The following SPRR2G variants were observed in gnomAD, a reference collection of about 807,000 sequenced individuals.
SPRR2G encodes the protein small proline-rich protein 2G.
In SPRR2G, 1 loss-of-function variant was observed where a neutral mutation model predicts 0.7. The ratio of observed to expected loss-of-function variants is 1.49; its 90% CI spans 0.53 to 7.06. The LOEUF (loss-of-function observed/expected upper bound fraction) is 7.06. SPRR2G is among the 30% of genes most tolerant of loss of function. SPRR2G has a pLI of 0.14. For synonymous variants in SPRR2G, 38 were observed against 33.9 expected (o/e 1.12, Z -0.42); for missense variants, 96 against 88.5 (o/e 1.09, Z -0.34).
At chr1:153,198,666 C>T in the SPRR2G span, among the ~76,000 whole-genome samples, 3 of 152,050 alleles carry the variant, frequency 2.0e-5, no homozygotes, top group East Asian at 1.9e-4. Context: ...TTCACAGAGT[C>T]GGAGCGCATA....
chr1:153,197,748 C>T, the SPRR2G span, among the ~76,000 whole-genome samples: 1 of 151,978 alleles, frequency 6.6e-6, no homozygotes, highest in East Asian at 1.9e-4. Flanking sequence ...CAGAGCAGTC[C>T]ACATGGAAGG....
chr1:153,166,702 C>T, the SPRR2G span, among the ~76,000 whole-genome samples: 841 of 152,268 alleles, frequency 5.5e-3, 13 homozygotes, highest in Middle Eastern at 0.02. Flanking sequence ...TCATCACTCA[C>T]TCCCATATTA....
chr1:153,174,493 T>C, the SPRR2G span: 6,289 of 152,286 alleles, frequency 0.041, 376 homozygotes, highest in Admixed American at 0.15. Flanking sequence ...GGAACACATC[T>C]TTGCCTCCTC....
At chr1:153,181,838 G>A in the SPRR2G span, among the ~76,000 whole-genome samples, 2 of 151,794 alleles carry the variant, frequency 1.3e-5, no homozygotes, top group African/African-American at 4.8e-5. Context: ...GGACTCTTAG[G>A]TTGATTCCAT....
upstream of SPRR2G, among the ~76,000 whole-genome samples, chr1:153,151,197 C>T (rs756878506): frequency 3.9e-5 from 6 of 152,176 alleles, no homozygotes; most frequent in Non-Finnish European, 5.9e-5. Context: ...TCCAAAGTAT[C>T]CTGTATGTAA....
chr1:153,187,445 A>C, the SPRR2G span, among the ~76,000 whole-genome samples: 1 of 151,848 alleles, frequency 6.6e-6, no homozygotes, highest in Admixed American at 6.6e-5. Context: ...TTATTTCATT[A>C]AGTTGATCTT....
upstream of SPRR2G, among the ~76,000 whole-genome samples, chr1:153,155,290 A>G (rs761585423): frequency 3.3e-5 from 5 of 152,258 alleles, no homozygotes; most frequent in Non-Finnish European, 5.9e-5. Flanking sequence ...CATCTTTCCC[A>G]CAAACCACTT....
At chr1:153,157,199 T>C in the SPRR2G span, among the ~76,000 whole-genome samples, 1 of 152,238 alleles carries the variant, frequency 6.6e-6, no homozygotes, top group Non-Finnish European at 1.5e-5. Context: ...ACTTAAGGTA[T>C]AAGTTTCATA....
chr1:153,177,974 T>C, the SPRR2G span, among the ~76,000 whole-genome samples: 1 of 152,142 alleles, frequency 6.6e-6, no homozygotes, highest in Non-Finnish European at 1.5e-5. Context: ...TATGTGAACC[T>C]ATATCTCTTC....
At chr1:153,195,140 T>C in the SPRR2G span, among the ~76,000 whole-genome samples, 1 of 152,156 alleles carries the variant, frequency 6.6e-6, no homozygotes, top group Non-Finnish European at 1.5e-5. Flanking sequence ...TTCCTCTCCA[T>C]GCTAACAGGA....
At chr1:153,194,834 T>G in the SPRR2G span, among the ~76,000 whole-genome samples, 61 of 152,272 alleles carry the variant, frequency 4.0e-4, no homozygotes, top group Non-Finnish European at 7.5e-4. Flanking sequence ...AGTGCTGTGC[T>G]CCAATGGAGG....
At chr1:153,169,682 C>A in the SPRR2G span, among the ~76,000 whole-genome samples, 1 of 152,192 alleles carries the variant, frequency 6.6e-6, no homozygotes, top group Admixed American at 6.5e-5. Context: ...AAAACTTCAG[C>A]CTTCCATCAT....
chr1:153,196,651 C>T, the SPRR2G span, among the ~76,000 whole-genome samples: 26 of 152,280 alleles, frequency 1.7e-4, no homozygotes, highest in African/African-American at 6.0e-4. Flanking sequence ...TTGACAAGAA[C>T]TACTTCAAAT....
At chr1:153,159,840 C>T in the SPRR2G span, among the ~76,000 whole-genome samples, 6 of 152,188 alleles carry the variant, frequency 3.9e-5, no homozygotes, top group Non-Finnish European at 7.3e-5. Context: ...CACACTATCA[C>T]AAGAACAGCT....
chr1:153,153,811 C>A (rs1255018619), upstream of SPRR2G, among the ~76,000 whole-genome samples: 1 of 151,906 alleles, frequency 6.6e-6, no homozygotes, highest in African/African-American at 2.4e-5. Context: ...ACATAATATG[C>A]CTTTAAGTTT....
chr1:153,197,559 G>A, the SPRR2G span, among the ~76,000 whole-genome samples: 2,869 of 152,070 alleles, frequency 0.019, 120 homozygotes, highest in East Asian at 0.18. Context: ...TTATATGTCA[G>A]GCCCTGGCCC....
chr1:153,176,971 C>G, the SPRR2G span, among the ~76,000 whole-genome samples: 1 of 152,162 alleles, frequency 6.6e-6, no homozygotes, highest in Non-Finnish European at 1.5e-5. Flanking sequence ...CCAATGCCCC[C>G]TTGCAGTTAG....
At chr1:153,159,420 C>T in the SPRR2G span, among the ~76,000 whole-genome samples, 1 of 152,234 alleles carries the variant, frequency 6.6e-6, no homozygotes, top group South Asian at 2.1e-4. Context: ...ATATCTCTAT[C>T]AGCATTTTGG....
the SPRR2G span, among the ~76,000 whole-genome samples, chr1:153,203,127 G>T: frequency 5.9e-5 from 9 of 152,244 alleles, no homozygotes; most frequent in East Asian, 1.5e-3. Context: ...AAACTTTGAG[G>T]GTGGAAGAGG....
Sources: gnomAD v4.1 joint callset for allele counts (sites outside exome capture counted in the v4.1 genomes callset) on GRCh38, gnomAD v4.1.1 for gene constraint, MANE v1.5 for transcripts, NCBI Gene and HGNC (gene_info 2026-07-23, HGNC 2026-07-21) for gene names.